The following ADAM10 variants were observed in gnomAD, a reference collection of about 807,000 sequenced individuals.
ADAM10 encodes disintegrin and metalloproteinase domain-containing protein 10.
A neutral mutation model predicts 90.1 loss-of-function variants in ADAM10; 17 were observed. The ratio of observed to expected loss-of-function variants is 0.19; its 90% confidence interval spans 0.13 to 0.28. ADAM10 has a LOEUF of 0.28. Among genes scored for constraint, ADAM10 ranks in the 10% least tolerant of loss-of-function variants. ADAM10 has a pLI of 1.00. For synonymous variants in ADAM10, 310 were observed against 298.6 expected (o/e 1.04, Z -0.40); for missense variants, 610 against 914.3 (o/e 0.67, Z 4.29).
intron 1 of ADAM10, among the ~76,000 whole-genome samples, chr15:58,719,145 G>A (rs1407101107): frequency 6.6e-6 from 1 of 152,112 alleles, no homozygotes; most frequent in Non-Finnish European, 1.5e-5. Flanking sequence ...CCAACATGGT[G>A]AAACCCTATC....
chr15:58,669,930 T>A (rs1486323931), intron 4 of ADAM10, among the ~76,000 whole-genome samples: 2 of 152,028 alleles, frequency 1.3e-5, no homozygotes, highest in African/African-American at 4.8e-5. Context: ...CAAACTAACC[T>A]AGAGATTAGT....
chr15:58,705,209 G>A (rs1231773473), intron 2 of ADAM10, among the ~76,000 whole-genome samples: 2 of 152,002 alleles, frequency 1.3e-5, no homozygotes, highest in African/African-American at 2.4e-5. Context: ...ATACTACACC[G>A]TCATCAAAAA....
At chr15:58,694,745 T>TAA (rs111891600) in intron 2 of ADAM10, among the ~76,000 whole-genome samples, 3 of 139,240 alleles carry the variant, frequency 2.2e-5, no homozygotes, top group East Asian at 2.1e-4. Context: ...ACTCAGAAAT[T>TAA]AAAAAAAAAA....
chr15:58,646,684 CTT>C lies in ADAM10; in HGVS notation c.586-482_586-481del, dbSNP rs555668012. ...AATAGCCACTAATGGCCTTACATCTCTTCTCCATATTGCAATGTTTTCAAAAC... is the reference window on the plus strand; with the variant it reads ...AATAGCCACTAATGGCCTTACATCTCCTCCATATTGCAATGTTTTCAAAAC... On this transcript the variant is annotated intron_variant, in intron 5 of 15. Coordinates refer to ENST00000260408, the MANE Select transcript of ADAM10 (RefSeq NM_001110.4). Among the ~76,000 whole-genome samples, 133 of 152,350 alleles carry C rather than the reference CTT, an allele frequency of 8.7e-4. 1 individual carries two copies. Among genetic ancestry groups the C allele is most frequent in the African/African-American group, 3.0e-3 (124 of 41,590 alleles).
chr15:58,623,041 C>A (rs1162051457), intron 10 of ADAM10, among the ~76,000 whole-genome samples: 1 of 152,136 alleles, frequency 6.6e-6, no homozygotes, highest in Middle Eastern at 3.4e-3. Context: ...CTTTAAGTTG[C>A]GAATTGAATA....
intron 14 of ADAM10, among the ~76,000 whole-genome samples, chr15:58,603,322 A>G (rs1595982748): frequency 6.6e-6 from 1 of 152,300 alleles, no homozygotes; most frequent in East Asian, 1.9e-4. Flanking sequence ...ATTTTGAGTA[A>G]TGCAGAAAGT....
chr15:58,648,460 A>G (rs1297269428), intron 5 of ADAM10, among the ~76,000 whole-genome samples: 2 of 152,180 alleles, frequency 1.3e-5, no homozygotes, highest in Non-Finnish European at 2.9e-5. Flanking sequence ...CTAATGGTGA[A>G]GTTTTATGTG....
At position 58,597,488 on chromosome 15, in the gene ADAM10, T is replaced by C; in HGVS notation, c.*59A>G. ...TGGAGATGATGACTTAATAGGTTTC[T>C]CTTTGGAGTGAAGTTTTCCCATTGT... is the stretch of plus-strand genomic sequence containing the variant. On this transcript the variant is annotated 3_prime_UTR_variant, in exon 16 of 16. Coordinates refer to ENST00000260408, the MANE Select transcript of ADAM10 (RefSeq NM_001110.4). 1 of 1,613,388 alleles carries C rather than the reference T, an allele frequency of 6.2e-7. No homozygotes were observed.
In ADAM10 at chr15:58,597,551, C is replaced by T. The variant is rs747308486; in HGVS notation, c.2243G>A (p.Arg748His). 8 of 1,614,064 alleles carry T rather than the reference C, an allele frequency of 5.0e-6. No homozygotes were observed. The highest frequency in any genetic ancestry group is 1.7e-5 in the Admixed American group (1 of 60,002). ...RESYQMGHMR[R>H] ...GAACCAAGGCAAAAGCTGCAGTTAG[C>T]GTCTCATGTGTCCCATTTGATAACT... Residue 748 changes from arginine (R) to histidine (H), a missense_variant, in exon 16 of 16, where the codon CGC (arginine) becomes CAC (histidine). Coordinates refer to ENST00000260408, the MANE Select transcript of ADAM10 (RefSeq NM_001110.4).
chr15:58,732,410 C>G (rs1385811764), intron 1 of ADAM10: 1 of 152,146 alleles, frequency 6.6e-6, no homozygotes, highest in African/African-American at 2.4e-5. Flanking sequence ...AGAGGTCATA[C>G]AAAGAATGAG....
At chr15:58,642,876 T>G (rs117950906) in intron 7 of ADAM10, among the ~76,000 whole-genome samples, 1,780 of 152,290 alleles carry the variant, frequency 0.012, 16 homozygotes, top group Non-Finnish European at 0.019. Context: ...TAAATCATAT[T>G]TCACCTTAAG....
At chr15:58,642,073 A>T (rs1896430947) in intron 7 of ADAM10, among the ~76,000 whole-genome samples, 1 of 152,250 alleles carries the variant, frequency 6.6e-6, no homozygotes, top group African/African-American at 2.4e-5. Context: ...ACTGTATGTT[A>T]CAGATAGTCC....
chr15:58,693,143 C>A (rs1258405358), intron 2 of ADAM10: 1 of 735,832 alleles, frequency 1.4e-6, no homozygotes, highest in Non-Finnish European at 2.6e-6. Flanking sequence ...GCAATTTCTG[C>A]CTAAAAGGCA....
chr15:58,740,419 A>G (rs973061797), intron 1 of ADAM10, among the ~76,000 whole-genome samples: 1 of 151,750 alleles, frequency 6.6e-6, no homozygotes, highest in Non-Finnish European at 1.5e-5. Flanking sequence ...TAGGGAAGAA[A>G]AAAAAAAAAG....
chr15:58,655,696 G>GTGTATGTA (rs1896796069), intron 5 of ADAM10, among the ~76,000 whole-genome samples: 1 of 68,260 alleles, frequency 1.5e-5, no homozygotes, highest in Non-Finnish European at 2.4e-5. Flanking sequence ...ATTATATATA[G>GTGTATGTA]TATATATATA....
chr15:58,591,137 T>A lies in ADAM10; in HGVS notation c.*6410A>T, dbSNP rs1169446177. The A allele has an allele frequency of 1.4e-5, 2 of 138,578 alleles. No homozygotes were observed. Among genetic ancestry groups the A allele is most frequent in the East Asian group, 4.4e-4 (2 of 4,510 alleles). The allele number at this position is 138,578 out of a possible 1,614,324, so 8.6% of individuals were successfully genotyped here. A position where few individuals can be genotyped will look rare whatever the true frequency, so the allele number is the denominator to read the frequency against. Reference sequence around the variant, plus strand: ...TTACTTAAGTAGTTAGCTAAGCCCTTCAACAGTGAGAGAGAGAGAGAGAGA... The same window carrying A: ...TTACTTAAGTAGTTAGCTAAGCCCTACAACAGTGAGAGAGAGAGAGAGAGA... On this transcript the variant is annotated 3_prime_UTR_variant, in exon 16 of 16. Transcript: ENST00000260408.
At chr15:58,696,917 C>T (rs1897995861) in intron 2 of ADAM10, among the ~76,000 whole-genome samples, 1 of 152,172 alleles carries the variant, frequency 6.6e-6, no homozygotes, top group Non-Finnish European at 1.5e-5. Context: ...CCCAACAAGG[C>T]TGTACCCTGC....
At chr15:58,708,516 A>G (rs1322391798) in intron 2 of ADAM10, among the ~76,000 whole-genome samples, 1 of 152,180 alleles carries the variant, frequency 6.6e-6, no homozygotes, top group African/African-American at 2.4e-5. Context: ...ATTAAAAATT[A>G]GCCGAGCATA....
At chr15:58,602,157 A>T (rs1298617227) in intron 14 of ADAM10, among the ~76,000 whole-genome samples, 1 of 152,162 alleles carries the variant, frequency 6.6e-6, no homozygotes. Flanking sequence ...TTATAAATAT[A>T]TAATCAATTA....
Sources: allele counts gnomAD v4.1 joint callset (sites outside exome capture counted in the v4.1 genomes callset), GRCh38; gene constraint gnomAD v4.1.1; transcripts MANE v1.5; gene names NCBI Gene and HGNC (gene_info 2026-07-23, HGNC 2026-07-21).